Variants in MOK observed in about 807,000 individuals in gnomAD.
The protein encoded by MOK is MAPK/MAK/MRK overlapping kinase.
Under a neutral mutation model 54.2 loss-of-function variants are expected in MOK, and 59 were observed. That is an observed-to-expected ratio of 1.09 (90% CI 0.88 to 1.35). MOK has a LOEUF of 1.35. MOK is among the 40% of genes most tolerant of loss of function. The pLI is 0.00. For synonymous variants in MOK, 210 were observed against 202.7 expected (o/e 1.04, Z -0.31); for missense variants, 517 against 526.2 (o/e 0.98, Z 0.17).
intron 4 of MOK, among the ~76,000 whole-genome samples, chr14:102,258,347 C>T (rs530820663): frequency 2.0e-5 from 3 of 152,354 alleles, no homozygotes; most frequent in Non-Finnish European, 4.4e-5. Flanking sequence ...GCCTCAGGGC[C>T]TTTGCACTGG....
At chr14:102,294,245 C>CTGGG (rs2071149374) in intron 1 of MOK, among the ~76,000 whole-genome samples, 4 of 150,702 alleles carry the variant, frequency 2.7e-5, no homozygotes, top group Non-Finnish European at 1.5e-5. Context: ...AGGAGATCAA[C>CTGGG]ACCATCCTGG....
At position 102,305,128 on chromosome 14, in the gene MOK, T is replaced by A; in HGVS notation, c.-160A>T. 1 of 855,440 alleles carries A rather than the reference T, an allele frequency of 1.2e-6. No individual in the cohort carries two copies. Among genetic ancestry groups the A allele is most frequent in the South Asian group, 1.6e-5 (1 of 64,476 alleles). 53.0% of individuals were successfully genotyped at this position (855,440 alleles called of 1,614,324 possible). A position where few individuals can be genotyped will look rare whatever the true frequency, so the allele number is the denominator to read the frequency against. ...GAGAGCGTTAGAGATCCCGCCGCCA[T>A]GTTGTGTCCCTGTCACCCTAGCAAC... On this transcript the variant is annotated 5_prime_UTR_variant, in exon 1 of 12. It removes an upstream start codon present in the reference 5' UTR. Transcript: ENST00000361847.
intron 2 of MOK, among the ~76,000 whole-genome samples, chr14:102,272,975 G>C (rs144816870): frequency 1.3e-5 from 2 of 152,260 alleles, no homozygotes; most frequent in Middle Eastern, 3.4e-3. Context: ...TTCGAGACCA[G>C]CCTGGCCAAT....
chr14:102,256,106 T>TA (rs1171018271), intron 4 of MOK, among the ~76,000 whole-genome samples: 6 of 133,252 alleles, frequency 4.5e-5, no homozygotes, highest in East Asian at 2.0e-4. Flanking sequence ...TTATTATTAT[T>TA]TTTTTTTTTT....
chr14:102,262,782 A>G (rs1174799531), intron 4 of MOK, among the ~76,000 whole-genome samples: 1 of 152,256 alleles, frequency 6.6e-6, no homozygotes. Flanking sequence ...TTTCCAAGTC[A>G]TAAGTAGTCA....
rs2067641847 is a variant in MOK at position 102,263,476 on chromosome 14, T to A, written c.283+70A>T. The A allele has an allele frequency of 2.7e-6, 3 of 1,110,354 alleles. No homozygotes were observed. In the South Asian group the frequency reaches 4.4e-5, roughly 16 times the overall value. 68.8% of individuals were successfully genotyped at this position (1,110,354 alleles called of 1,614,324 possible). ...CTATGGTGACTAATGATGTTGAGAA[T>A]AACTAAGCATATATGAATTACAAGC... On this transcript the variant is annotated intron_variant, in intron 4 of 11. Coordinates refer to ENST00000361847, the MANE Select transcript of MOK (RefSeq NM_014226.3).
Position 102,282,683 on chromosome 14 carries a change from A to G in MOK, c.122+795T>C, listed in dbSNP as rs146431169. 4.6e-3 allele frequency among the ~76,000 whole-genome samples: 704 copies of G among 152,222 alleles called. 6 individuals carry two copies. The highest frequency in any genetic ancestry group is 0.016 in the African/African-American group (653 of 41,540). ...TGGGAGGTGGAGGCTGCAGTGAGCC[A>G]AGATCGAGCCATTGCACTCCAGCCT... On this transcript the variant is annotated intron_variant, in intron 2 of 11. Transcript: ENST00000361847.
chr14:102,223,469 T>C (rs192176866), downstream of MOK: 16 of 152,738 alleles, frequency 1.0e-4, no homozygotes, highest in Admixed American at 8.5e-4. Context: ...CCCTCTGAGG[T>C]GCGGCGTGAA....
intron 1 of MOK, among the ~76,000 whole-genome samples, chr14:102,296,222 G>A (rs2071397237): frequency 6.7e-6 from 1 of 149,206 alleles, no homozygotes; most frequent in South Asian, 2.1e-4. Flanking sequence ...CTCCAGCCTG[G>A]GCAACAGACT....
downstream of MOK, chr14:102,226,271 G>T: frequency 1.4e-6 from 1 of 691,850 alleles, no homozygotes; most frequent in South Asian, 1.5e-5. The surrounding 1 kb of genome is among the most constrained non-coding windows in gnomAD (Gnocchi z 4.8). Flanking sequence ...TGAGGTGGGT[G>T]GATGAGGGTA....
chr14:102,291,671 T>G (rs1263423352), intron 1 of MOK, among the ~76,000 whole-genome samples: 3 of 152,170 alleles, frequency 2.0e-5, no homozygotes, highest in African/African-American at 7.2e-5. Flanking sequence ...AAAGGTCTGC[T>G]TGCAGCCAAG....
At chr14:102,250,398 T>G (rs114957145) in intron 7 of MOK, among the ~76,000 whole-genome samples, 1 of 151,766 alleles carries the variant, frequency 6.6e-6, no homozygotes, top group Admixed American at 6.6e-5. Context: ...AGGGGTGGGA[T>G]TGGGGCTTTC....
intron 1 of MOK, among the ~76,000 whole-genome samples, chr14:102,290,928 C>A (rs1415640359): frequency 6.6e-6 from 1 of 152,088 alleles, no homozygotes; most frequent in African/African-American, 2.4e-5. Context: ...TTAACATCCC[C>A]CAGCACCGCT....
downstream of MOK, among the ~76,000 whole-genome samples, chr14:102,220,311 G>A (rs149900412): frequency 1.3e-5 from 2 of 152,352 alleles, no homozygotes; most frequent in African/African-American, 2.4e-5. This position sits in a 1 kb window ranked among gnomAD's most constrained non-coding sequence, Gnocchi z 4.2. Context: ...ATTGGGGCCA[G>A]TCCAACCTGA....
intron 4 of MOK, among the ~76,000 whole-genome samples, chr14:102,258,141 T>A (rs999903821): frequency 3.9e-5 from 6 of 152,210 alleles, no homozygotes; most frequent in Non-Finnish European, 8.8e-5. Context: ...TCTGTGATCG[T>A]TTTGGAAACA....
At chr14:102,258,043 G>A (rs1200760778) in intron 4 of MOK, among the ~76,000 whole-genome samples, 1 of 151,426 alleles carries the variant, frequency 6.6e-6, no homozygotes, top group South Asian at 2.1e-4. Context: ...TGACATCTAA[G>A]CACGTGATCA....
chr14:102,215,086 C>A, the MOK span: 1 of 769,514 alleles, frequency 1.3e-6, no homozygotes, highest in Non-Finnish European at 1.6e-6. Flanking sequence ...TTTTTAAATG[C>A]TGTAAAATTA....
chr14:102,291,855 G>C (rs952901795), intron 1 of MOK, among the ~76,000 whole-genome samples: 2 of 151,982 alleles, frequency 1.3e-5, no homozygotes, highest in Admixed American at 6.6e-5. Flanking sequence ...CTACTTGGGA[G>C]GCTGAGACAG....
chr14:102,280,911 G>C (rs1359156548), intron 2 of MOK: 1 of 152,240 alleles, frequency 6.6e-6, no homozygotes, highest in Non-Finnish European at 1.5e-5. Flanking sequence ...AAACTTATCT[G>C]ATAGAGGCTG....
Sources: allele counts gnomAD v4.1 joint callset (sites outside exome capture counted in the v4.1 genomes callset), GRCh38; gene constraint gnomAD v4.1.1; non-coding constraint Gnocchi (gnomAD v3.1); transcripts MANE v1.5; gene names NCBI Gene and HGNC (gene_info 2026-07-23, HGNC 2026-07-21).